Variants in GSE1 observed in about 807,000 individuals in gnomAD.
The protein encoded by GSE1 is Gse1 coiled-coil protein.
A neutral mutation model predicts 112.6 loss-of-function variants in GSE1; 32 were observed. The observed-to-expected ratio is 0.28, with a 90% CI of 0.21 to 0.38. The LOEUF (loss-of-function observed/expected upper bound fraction) is 0.38. Among genes scored for constraint, GSE1 ranks in the 10% least tolerant of loss-of-function variants. The pLI, the probability that GSE1 is intolerant of heterozygous loss-of-function variation, is 1.00. For missense variants in GSE1, 2,348 were observed against 1,699.2 expected, an observed-to-expected ratio of 1.38 and a Z score of -6.71; for synonymous variants, 1,115 against 735.6, an observed-to-expected ratio of 1.52 and a Z score of -8.35.
chr16:85,205,968 G>A (rs1235752717), intron 1 of GSE1, among the ~76,000 whole-genome samples: 1 of 152,244 alleles, frequency 6.6e-6, no homozygotes, highest in Non-Finnish European at 1.5e-5. Flanking sequence ...GGAGCTTCCA[G>A]TCTGGTGGGA....
At chr16:85,265,001 C>T (rs986960136) in intron 1 of GSE1, among the ~76,000 whole-genome samples, 27 of 152,190 alleles carry the variant, frequency 1.8e-4, no homozygotes, top group African/African-American at 6.0e-4. Flanking sequence ...GAGAGAGCTG[C>T]GGTGAAGAGT....
intron 1 of GSE1, among the ~76,000 whole-genome samples, chr16:85,564,367 C>A (rs1042794550): frequency 9.1e-4 from 139 of 152,240 alleles, no homozygotes; most frequent in Middle Eastern, 6.8e-3. Context: ...TGGGGCCATC[C>A]CTGCCCACGT....
At chr16:85,384,031 A>C (rs1489518132) in intron 2 of GSE1, among the ~76,000 whole-genome samples, 1 of 152,160 alleles carries the variant, frequency 6.6e-6, no homozygotes, top group Non-Finnish European at 1.5e-5. Flanking sequence ...CAGGCCAGTG[A>C]TCACATCCAC....
At chr16:85,443,162 G>A (rs569346467) in intron 2 of GSE1, among the ~76,000 whole-genome samples, 57 of 152,254 alleles carry the variant, frequency 3.7e-4, no homozygotes, top group African/African-American at 1.3e-3. Flanking sequence ...GAATGTGGTT[G>A]GGGGGGCACC....
chr16:85,665,364 C>T (rs756967344), intron 12 of GSE1, among the ~76,000 whole-genome samples: 8 of 152,244 alleles, frequency 5.3e-5, no homozygotes, highest in Admixed American at 1.3e-4. Context: ...TGGAGCTCTA[C>T]GTGCTGGTCA....
intron 1 of GSE1, among the ~76,000 whole-genome samples, chr16:85,619,071 T>C (rs574225346): frequency 6.6e-6 from 1 of 152,376 alleles, no homozygotes; most frequent in Non-Finnish European, 1.5e-5. Flanking sequence ...TTGCTTTTTC[T>C]GCCCTAAGGC....
At chr16:85,654,528 T>C in intron 4 of GSE1, 78 bp downstream of exon 4, 1 of 1,269,362 alleles carries the variant, frequency 7.9e-7, no homozygotes, top group Non-Finnish European at 1.1e-6. Context: ...CCAGGCAGCC[T>C]GCGGTCTGCA....
At chr16:85,541,906 T>C (rs1363340400) in intron 2 of GSE1, among the ~76,000 whole-genome samples, 1 of 152,214 alleles carries the variant, frequency 6.6e-6, no homozygotes, top group East Asian at 1.9e-4. Context: ...GGGCTGAGCA[T>C]GAGGGAAGGC....
intron 2 of GSE1, among the ~76,000 whole-genome samples, chr16:85,636,533 C>T (rs1276517652): frequency 1.3e-5 from 2 of 152,236 alleles, no homozygotes; most frequent in Admixed American, 6.5e-5. Context: ...GTCACCCGGA[C>T]CCTGACCTCA....
In GSE1 at chr16:85,249,113, TG is replaced by T. The variant is rs565755901; in HGVS notation, c.2283+77307del. On this transcript the variant is annotated intron_variant, in intron 1 of 2. Coordinates refer to the GSE1 transcript ENST00000637419. The stretch of plus-strand genomic sequence containing the variant: ...TGTTCCAAGTCCACAAAAGCCCTTT[TG>T]CTCAGTCAGCTTGAGGCCCAGCTAA... 2.6e-3 allele frequency among the ~76,000 whole-genome samples: 402 copies of T among 152,370 alleles called. 4 individuals carry two copies. Among genetic ancestry groups the T allele is most frequent in the African/African-American group, 8.9e-3 (371 of 41,590 alleles).
rs1335504198 is a variant in GSE1, at chr16:85,654,918, G to A, written c.724G>A (p.Asp242Asn). The change falls in exon 5 of 16, where the codon GAC (aspartate) becomes AAC (asparagine). Residue 242 changes from aspartate to asparagine, a missense_variant. Coordinates refer to ENST00000253458, the MANE Select transcript of GSE1 (RefSeq NM_014615.5). ...RMSSLPPLGLDPATAAAYYHP... is the reference protein window; with the variant it reads ...RMSSLPPLGLNPATAAAYYHP... Reference sequence around the variant, plus strand: ...GTCCTCACTGCCTCCCCTCGGCCTGGACCCGGCCACTGCTGCAGCCTACTA... The same window carrying A: ...GTCCTCACTGCCTCCCCTCGGCCTGAACCCGGCCACTGCTGCAGCCTACTA... The A allele has an allele frequency of 8.7e-6, 14 of 1,611,258 alleles. No individual in the cohort carries two copies. The East Asian group carries it at 2.9e-4, about 33-fold the overall frequency.
At chr16:85,357,663 G>A (rs2046977281) in intron 2 of GSE1, 1 of 1,281,624 alleles carries the variant, frequency 7.8e-7, no homozygotes, top group South Asian at 1.2e-5. Context: ...AGCTCTTTTT[G>A]TATCTCTGGG....
intron 2 of GSE1, among the ~76,000 whole-genome samples, chr16:85,549,101 T>C (rs1405889289): frequency 2.0e-5 from 3 of 151,954 alleles, no homozygotes; most frequent in Non-Finnish European, 4.4e-5. Flanking sequence ...GATTCTTAAT[T>C]GCATCTTCAC....
chr16:85,251,823 T>C (rs908656489), intron 1 of GSE1, among the ~76,000 whole-genome samples: 3 of 152,194 alleles, frequency 2.0e-5, no homozygotes, highest in African/African-American at 7.2e-5. Flanking sequence ...CTGTCTGCAT[T>C]AGGGGGCTGC....
chr16:85,631,752 C>T (rs531110735), intron 1 of GSE1, among the ~76,000 whole-genome samples: 4 of 152,236 alleles, frequency 2.6e-5, no homozygotes, highest in Non-Finnish European at 5.9e-5. Context: ...GCTGTTACCC[C>T]GTTTGGTAGA....
upstream of GSE1, chr16:85,555,104 A>G (rs903787898): frequency 1.0e-6 from 1 of 984,928 alleles, no homozygotes; most frequent in Non-Finnish European, 1.2e-6. Flanking sequence ...AGACGGAAGG[A>G]GCCGCCGCCG....
At chr16:85,415,681 G>A (rs2048688145) in intron 2 of GSE1, among the ~76,000 whole-genome samples, 1 of 152,254 alleles carries the variant, frequency 6.6e-6, no homozygotes, top group East Asian at 1.9e-4. Flanking sequence ...CGGCCCCACA[G>A]CAGAGCTGCG....
intron 1 of GSE1, among the ~76,000 whole-genome samples, chr16:85,240,790 A>C (rs1905107803): frequency 6.6e-6 from 1 of 152,156 alleles, no homozygotes; most frequent in Non-Finnish European, 1.5e-5. Context: ...CTCTTGGCTG[A>C]ATTGTATTCA....
chr16:85,225,539 T>C (rs575478568), intron 1 of GSE1, among the ~76,000 whole-genome samples: 2 of 152,290 alleles, frequency 1.3e-5, no homozygotes, highest in African/African-American at 4.8e-5. Flanking sequence ...TGCAGCCTGA[T>C]CCGCATGAAC....
Sources: allele counts gnomAD v4.1 joint callset (sites outside exome capture counted in the v4.1 genomes callset), GRCh38; gene constraint gnomAD v4.1.1; transcripts MANE v1.5; gene names NCBI Gene and HGNC (gene_info 2026-07-23, HGNC 2026-07-21).